DMD: variants seen among roughly 807,000 people sequenced by gnomAD.
The protein encoded by DMD is dystrophin, also known as mutant dystrophin.
A neutral mutation model predicts 330.1 loss-of-function variants in DMD; 63 were observed. That is an observed-to-expected ratio of 0.19 (90% confidence interval 0.16 to 0.24). The LOEUF (loss-of-function observed/expected upper bound fraction) is 0.24, where lower values mean the gene tolerates loss of function less well. Ranked by LOEUF, DMD falls within the 10% of genes least tolerant of loss-of-function variation. DMD has a pLI of 1.00. For missense variants in DMD, 3,344 were observed against 2,684.1 expected, an observed-to-expected ratio of 1.25 and a Z score of -5.43; for synonymous variants, 1,223 against 959.8, an observed-to-expected ratio of 1.27 and a Z score of -5.07.
chrX:31,126,331 T>C (rs1295556727), intron 78 of DMD, among the ~76,000 whole-genome samples: 1 of 111,958 alleles, frequency 8.9e-6, no homozygotes, highest in African/African-American at 3.2e-5. Context: ...TTGAAGATTT[T>C]GTTAGTGTTG....
intron 22 of DMD, among the ~76,000 whole-genome samples, chrX:32,470,144 T>C (rs961623998): frequency 9.0e-6 from 1 of 111,517 alleles, no homozygotes; most frequent in Non-Finnish European, 1.9e-5. Flanking sequence ...CTTCTTCCTT[T>C]ACAATTTAAG....
chrX:31,558,239 C>A (rs774462122), intron 55 of DMD, among the ~76,000 whole-genome samples: 4 of 111,414 alleles, frequency 3.6e-5, no homozygotes, highest in Non-Finnish European at 7.5e-5. Flanking sequence ...TTTTACGTTG[C>A]TGGAAGGTAG....
At chrX:33,055,728 G>A (rs144460071) in intron 1 of DMD, among the ~76,000 whole-genome samples, 1 of 111,494 alleles carries the variant, frequency 9.0e-6, no homozygotes, top group Non-Finnish European at 1.9e-5. Flanking sequence ...CTCTGGAGGA[G>A]TGGCTGAAAG....
intron 1 of DMD, among the ~76,000 whole-genome samples, chrX:33,277,056 C>T (rs1264483595): frequency 9.0e-6 from 1 of 111,486 alleles, no homozygotes; most frequent in African/African-American, 3.3e-5. Context: ...GTAAGCACAA[C>T]ACAAGTGGTA....
At chrX:31,177,010 T>A (rs1252575104) in intron 71 of DMD, among the ~76,000 whole-genome samples, 1 of 111,469 alleles carries the variant, frequency 9.0e-6, no homozygotes, top group Non-Finnish European at 1.9e-5. Flanking sequence ...TACACAAGCT[T>A]ATCTTCCGAA....
intron 42 of DMD, among the ~76,000 whole-genome samples, chrX:32,293,783 A>G (rs1414542195): frequency 8.9e-6 from 1 of 111,831 alleles, no homozygotes; most frequent in African/African-American, 3.3e-5. Context: ...AGCATCAAAC[A>G]ATATATCCAT....
rs780292087 is a variant in DMD at position 33,191,612 on chromosome X, C to T, written c.31+19670G>A. ...CTAATGTTTGTCTTTTTAGTAGAGACGGGGTTACACCATGTTGGCCAGGCT... is the reference window on the plus strand; with the variant it reads ...CTAATGTTTGTCTTTTTAGTAGAGATGGGGTTACACCATGTTGGCCAGGCT... On this transcript the variant is annotated intron_variant, in intron 1 of 78. Coordinates refer to ENST00000357033, the MANE Select transcript of DMD (RefSeq NM_004006.3). Among the ~76,000 whole-genome samples, 16 of 110,770 alleles carry T rather than the reference C, an allele frequency of 1.4e-4. No individual in the cohort carries two copies. The South Asian group carries it at 6.2e-3, about 43-fold the overall frequency.
chrX:31,784,467 C>T (rs1406263175), intron 50 of DMD, among the ~76,000 whole-genome samples: 3 of 111,751 alleles, frequency 2.7e-5, no homozygotes. Context: ...ATAGAATTAT[C>T]ATATAATCCA....
intron 29 of DMD, among the ~76,000 whole-genome samples, chrX:32,437,217 C>A (rs1437558440): frequency 1.8e-5 from 2 of 111,780 alleles, no homozygotes; most frequent in Non-Finnish European, 3.8e-5. Flanking sequence ...TTTTCCAATC[C>A]CCAATTCCTT....
intron 45 of DMD, among the ~76,000 whole-genome samples, chrX:31,936,911 T>C (rs998508999): frequency 2.7e-5 from 3 of 111,312 alleles, no homozygotes; most frequent in Non-Finnish European, 3.8e-5. Context: ...GCTTTCTTCA[T>C]GATATTTTAA....
intron 1 of DMD, among the ~76,000 whole-genome samples, chrX:33,319,083 A>G (rs1355942492): frequency 9.1e-6 from 1 of 109,505 alleles, no homozygotes; most frequent in Non-Finnish European, 1.9e-5. Flanking sequence ...TCATATAAGG[A>G]CACAGCAACA....
At chrX:32,921,858 T>C (rs1307991211) in intron 2 of DMD, among the ~76,000 whole-genome samples, 1 of 111,592 alleles carries the variant, frequency 9.0e-6, no homozygotes, top group Admixed American at 9.6e-5. Context: ...CATCCATTCA[T>C]CCATCCATCC....
intron 60 of DMD, among the ~76,000 whole-genome samples, chrX:31,354,887 T>C (rs2058592608): frequency 8.9e-6 from 1 of 111,874 alleles, no homozygotes; most frequent in African/African-American, 3.2e-5. Flanking sequence ...CTGAGATAAG[T>C]ATGAATACGG....
intron 17 of DMD, among the ~76,000 whole-genome samples, chrX:32,532,808 A>G (rs1603635664): frequency 8.9e-6 from 1 of 112,295 alleles, no homozygotes; most frequent in East Asian, 2.8e-4. Flanking sequence ...ACAAGAATAA[A>G]AACTGCAAAC....
In DMD at chrX:31,397,767, A is replaced by G. The variant is rs185468004; in HGVS notation, c.9084+46714T>C. Among the ~76,000 whole-genome samples, 673 of 112,318 alleles carry G rather than the reference A, an allele frequency of 6.0e-3. 1 individual carries two copies. The highest frequency in any genetic ancestry group is 8.8e-3 in the Non-Finnish European group (471 of 53,296). On this transcript the variant is annotated intron_variant, in intron 60 of 78. Coordinates refer to ENST00000357033, the MANE Select transcript of DMD (RefSeq NM_004006.3). ...GCTGGTGTGGGGGTATGGCAAGGAT[A>G]ACTAGTGAGAGATCCCCAACGGAGA...
At chrX:31,980,655 T>C (rs2095470013) in intron 44 of DMD, among the ~76,000 whole-genome samples, 1 of 111,557 alleles carries the variant, frequency 9.0e-6, no homozygotes, top group Admixed American at 9.5e-5. Context: ...TACTAACTTA[T>C]ACACCTGCCA....
At chrX:32,015,338 C>T (rs757032111) in intron 44 of DMD, among the ~76,000 whole-genome samples, 10 of 111,337 alleles carry the variant, frequency 9.0e-5, no homozygotes, top group Non-Finnish European at 1.9e-4. Context: ...GGGGTGGGGC[C>T]AAGACTTTCT....
chrX:31,572,871 A>G (rs2075898290), intron 55 of DMD, among the ~76,000 whole-genome samples: 1 of 111,760 alleles, frequency 8.9e-6, no homozygotes, highest in African/African-American at 3.3e-5. Flanking sequence ...TAACTCCTCC[A>G]TTCTCTGCAT....
intron 55 of DMD, among the ~76,000 whole-genome samples, chrX:31,576,565 CAA>C (rs1391860725): frequency 9.1e-6 from 1 of 110,336 alleles, no homozygotes; most frequent in Non-Finnish European, 1.9e-5. Context: ...TCTTTGCTCC[CAA>C]GTCTCATTTC....
Sources: allele counts gnomAD v4.1 joint callset (sites outside exome capture counted in the v4.1 genomes callset), GRCh38; gene constraint gnomAD v4.1.1; transcripts MANE v1.5; gene names NCBI Gene and HGNC (gene_info 2026-07-23, HGNC 2026-07-21).